Variants in WDFY3 observed in about 807,000 individuals in gnomAD.
WDFY3 encodes WD repeat and FYVE domain-containing protein 3.
A neutral mutation model predicts 409.6 loss-of-function variants in WDFY3; 66 were observed. The ratio of observed to expected loss-of-function variants is 0.16; its 90% confidence interval spans 0.13 to 0.20. The LOEUF (loss-of-function observed/expected upper bound fraction) is 0.20, where lower values mean the gene tolerates loss of function less well. Ranked by LOEUF, WDFY3 falls within the 10% of genes least tolerant of loss-of-function variation. The pLI, the probability that WDFY3 is intolerant of heterozygous loss-of-function variation, is 1.00. For synonymous variants in WDFY3, 1,521 were observed against 1,537.1 expected (o/e 0.99, Z 0.25); for missense variants, 3,031 against 4,298.1 (o/e 0.71, Z 8.24).
chr4:84,765,686 CATTA>C lies in WDFY3; in HGVS notation c.5188+120_5188+123del. The C allele has an allele frequency of 4.0e-6, 3 of 743,558 alleles. No homozygotes were observed. The East Asian group carries it at 8.2e-5, about 20-fold the overall frequency. 46.1% of individuals were successfully genotyped at this position (743,558 alleles called of 1,614,324 possible). On this transcript the variant is annotated intron_variant, in intron 32 of 67. Coordinates refer to ENST00000295888, the MANE Select transcript of WDFY3 (RefSeq NM_014991.6). The stretch of plus-strand genomic sequence containing the variant: ...AAATCTTGTAAGCTCTTCCTTCTAT[CATTA>C]ATTAAAATTAATATCTCCTTAATGG...
In WDFY3 at chr4:84,932,346, C is replaced by G. The variant is rs1386917843; in HGVS notation, c.-208G>C. On this transcript the variant is annotated 5_prime_UTR_variant, in exon 2 of 68. Transcript: ENST00000295888. Reference sequence around the variant, plus strand: ...GCAGGCACTTTCTTCCTGAAGCAGACGTGGAGAAGTATTATACCTGATGAA... The same window carrying G: ...GCAGGCACTTTCTTCCTGAAGCAGAGGTGGAGAAGTATTATACCTGATGAA... 1 of 151,972 alleles carries G rather than the reference C, an allele frequency of 6.6e-6. No individual in the cohort carries two copies. Among genetic ancestry groups the G allele is most frequent in the Non-Finnish European group, 1.5e-5 (1 of 68,012 alleles). The allele number at this position is 151,972 out of a possible 1,614,324, so 9.4% of individuals were successfully genotyped here.
chr4:84,688,446 C>T (rs1728689283), intron 61 of WDFY3, among the ~76,000 whole-genome samples, 181 bp from the exon 62 acceptor site: 1 of 152,164 alleles, frequency 6.6e-6, no homozygotes, highest in African/African-American at 2.4e-5. Context: ...GCTGACTACC[C>T]TTGCCTCAGC....
At chr4:84,846,103 A>G (rs748611912) in intron 5 of WDFY3, among the ~76,000 whole-genome samples, 1 of 152,184 alleles carries the variant, frequency 6.6e-6, no homozygotes, top group Non-Finnish European at 1.5e-5. Flanking sequence ...TAGAAGACCT[A>G]TTTGAGATAC....
At chr4:84,817,244 C>A in intron 13 of WDFY3, 148 bp downstream of exon 13, 1 of 933,970 alleles carries the variant, frequency 1.1e-6, no homozygotes, top group Non-Finnish European at 1.6e-6. Flanking sequence ...TGGAGTTTTT[C>A]CAAGTTCCTA....
At chr4:84,677,112 G>C in intron 67 of WDFY3, 87 bp downstream of exon 67, 30 of 1,511,890 alleles carry the variant, frequency 2.0e-5, no homozygotes, top group Non-Finnish European at 2.7e-5. Flanking sequence ...GGGGACGCCA[G>C]GGCAAATCAG....
At chr4:84,931,406 C>G (rs1770750662) in intron 2 of WDFY3, among the ~76,000 whole-genome samples, 1 of 152,124 alleles carries the variant, frequency 6.6e-6, no homozygotes, top group Admixed American at 6.5e-5. Context: ...TCTTTGGGAT[C>G]TGGATTATAA....
intron 33 of WDFY3, among the ~76,000 whole-genome samples, chr4:84,755,902 T>C (rs1386017008): frequency 1.3e-5 from 2 of 152,174 alleles, no homozygotes; most frequent in Non-Finnish European, 2.9e-5. Context: ...TATTGAAAAA[T>C]TGCATAACCA....
chr4:84,745,207 GC>G (rs2149257273), intron 36 of WDFY3, among the ~76,000 whole-genome samples: 1 of 152,266 alleles, frequency 6.6e-6, no homozygotes, highest in Non-Finnish European at 1.5e-5. Context: ...GTAGGAAAGA[GC>G]CTTTTGTCAT....
Position 84,724,412 on chromosome 4 carries a change from A to G in WDFY3, c.7441+14T>C. 1 of 1,585,568 alleles carries G rather than the reference A, an allele frequency of 6.3e-7. No individual in the cohort carries two copies. Among genetic ancestry groups the G allele is most frequent in the Non-Finnish European group, 8.6e-7 (1 of 1,166,948 alleles). Reference sequence around the variant, plus strand: ...CAAAATCACTTTTAATCAAAATCAAAAAGGCAGGCTGACCTTTGACTTTAG... The same window carrying G: ...CAAAATCACTTTTAATCAAAATCAAGAAGGCAGGCTGACCTTTGACTTTAG... On this transcript the variant is annotated intron_variant, in intron 46 of 67. Coordinates refer to ENST00000295888, the MANE Select transcript of WDFY3 (RefSeq NM_014991.6).
chr4:84,702,759 A>G (rs1255744082), intron 55 of WDFY3, among the ~76,000 whole-genome samples: 1 of 152,240 alleles, frequency 6.6e-6, no homozygotes, highest in African/African-American at 2.4e-5. Context: ...TTAAAAAGTC[A>G]TCCAAAAAAT....
rs771451880 is a variant in WDFY3 at position 84,794,485 on chromosome 4, T to A, written c.3487+34A>T. On this transcript the variant is annotated intron_variant, in intron 21 of 67. Coordinates refer to ENST00000295888, the MANE Select transcript of WDFY3 (RefSeq NM_014991.6). ...CAAAAATGAAGTTTTAATACTTCTA[T>A]AATCAAAAGAAGAAAACAAAAAAAA... The A allele has an allele frequency of 1.3e-5, 20 of 1,573,636 alleles. No individual in the cohort carries two copies. In the Middle Eastern group the frequency reaches 5.1e-4, roughly 40 times the overall value.
At chr4:84,765,060 C>A (rs978585181) in intron 32 of WDFY3, among the ~76,000 whole-genome samples, 3 of 152,066 alleles carry the variant, frequency 2.0e-5, no homozygotes, top group African/African-American at 4.8e-5. Context: ...ATCAGACACA[C>A]AAACAATTAG....
chr4:84,717,616 T>A lies in WDFY3; in HGVS notation c.7755-600A>T, dbSNP rs190936209. Among the ~76,000 whole-genome samples, 160 of 152,332 alleles carry A rather than the reference T, an allele frequency of 1.1e-3. 2 individuals are homozygous for A. Among genetic ancestry groups the A allele is most frequent in the African/African-American group, 3.6e-3 (149 of 41,586 alleles). ...TTCTTAACTTTCTTCTAGGTTGGTCTGTCTCCTGAGTTTTCCACTACTCAC... is the reference window on the plus strand; with the variant it reads ...TTCTTAACTTTCTTCTAGGTTGGTCAGTCTCCTGAGTTTTCCACTACTCAC... On this transcript the variant is annotated intron_variant, in intron 48 of 67. Coordinates refer to ENST00000295888, the MANE Select transcript of WDFY3 (RefSeq NM_014991.6).
chr4:84,828,056 G>A (rs1459577980), intron 9 of WDFY3, among the ~76,000 whole-genome samples: 6 of 144,472 alleles, frequency 4.2e-5, no homozygotes, highest in African/African-American at 1.5e-4. Context: ...CTCCAGCCTG[G>A]GAACATAATG....
At chr4:84,952,651 CAAG>C (rs1412959827) in intron 1 of WDFY3, among the ~76,000 whole-genome samples, 2 of 151,922 alleles carry the variant, frequency 1.3e-5, no homozygotes, top group Non-Finnish European at 2.9e-5. Flanking sequence ...TCCACAACAT[CAAG>C]AAATTTTTTT....
rs1560588923 is a variant in WDFY3, at chr4:84,717,004, AG to A, written c.7766del (p.Pro2589LeufsTer70). The part of the protein sequence containing the change: ...IETLPPNMHE[P>X]IIPRGARQGP... ...CTTGCCTGGCTCCTCTAGGAATAATAGGCTCATGCATACTACAGGCAGCCAA... is the reference window on the plus strand; with the variant it reads ...CTTGCCTGGCTCCTCTAGGAATAATAGCTCATGCATACTACAGGCAGCCAA... On this transcript the variant is annotated frameshift_variant, in exon 49 of 68. Coordinates refer to ENST00000295888, the MANE Select transcript of WDFY3 (RefSeq NM_014991.6). LOFTEE classifies it high-confidence loss of function. The A allele has an allele frequency of 6.2e-7, 1 of 1,603,604 alleles. No individual in the cohort carries two copies. The highest frequency in any genetic ancestry group is 8.5e-7 in the Non-Finnish European group (1 of 1,175,278).
chr4:84,704,688 T>C (rs1024884395), intron 54 of WDFY3, among the ~76,000 whole-genome samples: 22 of 152,202 alleles, frequency 1.4e-4, no homozygotes, highest in African/African-American at 5.3e-4. Flanking sequence ...TCTACCAATT[T>C]CATGTTTTGA....
chr4:84,798,164 T>C (rs1749837256), intron 17 of WDFY3, 56 bp from the exon 18 acceptor site: 2 of 1,378,808 alleles, frequency 1.5e-6, no homozygotes, highest in Non-Finnish European at 2.0e-6. Context: ...TATAATTCAT[T>C]AACCAAATAT....
At chr4:84,687,061 T>C (rs1400171310) in intron 62 of WDFY3, among the ~76,000 whole-genome samples, 3 of 152,220 alleles carry the variant, frequency 2.0e-5, no homozygotes, top group African/African-American at 7.2e-5. Context: ...AGAATTTTTC[T>C]CTTGTTTGGG....
Sources: gnomAD v4.1 joint callset for allele counts (sites outside exome capture counted in the v4.1 genomes callset) on GRCh38, gnomAD v4.1.1 for gene constraint, MANE v1.5 for transcripts, NCBI Gene and HGNC (gene_info 2026-07-23, HGNC 2026-07-21) for gene names.